Variants in HPF1 observed in about 807,000 individuals in gnomAD.
The protein encoded by HPF1 is histone PARylation factor 1.
HPF1 carries 35 observed loss-of-function variants against 38.8 expected under a neutral mutation model. That is an observed-to-expected ratio of 0.90 (90% CI 0.69 to 1.19). HPF1 has a LOEUF of 1.19. HPF1 is among the 50% of genes most tolerant of loss of function. The pLI, the probability that HPF1 is intolerant of heterozygous loss-of-function variation, is 0.00. For synonymous variants in HPF1, 115 were observed against 139.2 expected, an observed-to-expected ratio of 0.83 and a Z score of 1.22; for missense variants, 367 against 405.8, an observed-to-expected ratio of 0.90 and a Z score of 0.82.
intron 4 of HPF1, among the ~76,000 whole-genome samples, chr4:169,743,396 C>G (rs1419332812): frequency 2.0e-5 from 3 of 146,664 alleles, no homozygotes; most frequent in Non-Finnish European, 3.0e-5. Context: ...AGGCGTGAGC[C>G]ACTGCCCCTG....
chr4:169,737,884 A>G, intron 5 of HPF1, 137 bp from the exon 6 acceptor site: 1 of 648,902 alleles, frequency 1.5e-6, no homozygotes. Flanking sequence ...TTTGGACTCC[A>G]GGGTAAAAAT....
intron 3 of HPF1, among the ~76,000 whole-genome samples, chr4:169,749,151 A>G (rs1028692649): frequency 2.6e-5 from 4 of 152,200 alleles, no homozygotes; most frequent in Non-Finnish European, 5.9e-5. Context: ...AAATTTTGTC[A>G]ACACACATAA....
chr4:169,742,448 A>T (rs1733981309), intron 4 of HPF1, among the ~76,000 whole-genome samples: 1 of 152,200 alleles, frequency 6.6e-6, no homozygotes, highest in South Asian at 2.1e-4. Flanking sequence ...ACTTTGGAGA[A>T]GTCTGACCTA....
At chr4:169,739,055 A>G (rs932238823) in intron 5 of HPF1, among the ~76,000 whole-genome samples, 131 of 152,300 alleles carry the variant, frequency 8.6e-4, no homozygotes, top group African/African-American at 3.0e-3. Flanking sequence ...GAGTTAATGG[A>G]TGCAGCACAC....
Position 169,742,106 on chromosome 4 carries a change from A to G in HPF1, c.499T>C (p.Leu167=), listed in dbSNP as rs200292765. ...NGDNVFAAVK[L]FLTKKLREIT... is the part of the protein sequence containing the mutation. ...TCTCTAAGTTTTTTCGTCAAAAATA[A>G]TCTGAAAAAGAAGTAAAAGTCCGCA... Residue 167 remains leucine, a splice_region_variant and synonymous_variant, in exon 5 of 8, where the codon TTA becomes CTA. Transcript: ENST00000393381. The G allele has an allele frequency of 2.5e-6, 4 of 1,610,040 alleles. No individual in the cohort carries two copies. The Admixed American group carries it at 6.7e-5, about 27-fold the overall frequency.
intron 2 of HPF1, among the ~76,000 whole-genome samples, 193 bp downstream of exon 2, chr4:169,753,483 G>A (rs1210238504): frequency 1.3e-5 from 2 of 152,130 alleles, no homozygotes; most frequent in Non-Finnish European, 2.9e-5. Flanking sequence ...ATGCAACCAC[G>A]TCTAGTTTTT....
intron 1 of HPF1, among the ~76,000 whole-genome samples, chr4:169,754,160 T>G (rs1734153811): frequency 6.6e-6 from 1 of 152,198 alleles, no homozygotes; most frequent in Non-Finnish European, 1.5e-5. Context: ...TTGCCCTCTT[T>G]TGGTTAAAGG....
At chr4:169,741,275 T>C (rs973319638) in intron 5 of HPF1, among the ~76,000 whole-genome samples, 2 of 152,204 alleles carry the variant, frequency 1.3e-5, no homozygotes, top group Non-Finnish European at 2.9e-5. Context: ...TGAACCAGCA[T>C]GGGCAGACAA....
At chr4:169,753,931 A>G in intron 1 of HPF1, 96 bp from the exon 2 acceptor site, 1 of 945,714 alleles carries the variant, frequency 1.1e-6, no homozygotes, top group African/African-American at 1.7e-5. Context: ...TCTATGAAAT[A>G]CATGTGTTTT....
rs113973359 is a variant in HPF1 at position 169,731,818 on chromosome 4, T to C, written c.795A>G (p.Leu265=). The C allele has an allele frequency of 1.4e-5, 22 of 1,612,146 alleles. No individual in the cohort carries two copies. The highest frequency in any genetic ancestry group is 1.3e-4 in the African/African-American group (10 of 74,876). Residue 265 remains leucine (L), a synonymous_variant, in exon 7 of 8, where the codon CTA becomes CTG. Transcript: ENST00000393381. ...TTTCCTGAATGGGAGCAAAAGCTTT[T>C]AGTCTCTCCTCATCACTTGCAGCCT... is the stretch of plus-strand genomic sequence containing the variant. ...IVEAASDEER[L]KAFAPIQEMM...
chr4:169,737,793 C>G, intron 5 of HPF1, 46 bp from the exon 6 acceptor site: 1 of 963,250 alleles, frequency 1.0e-6, no homozygotes, highest in Non-Finnish European at 1.5e-6. Flanking sequence ...AAGCAGACAT[C>G]AAAAAAAAAA....
chr4:169,740,481 C>T (rs1163469861), intron 5 of HPF1, among the ~76,000 whole-genome samples: 11 of 152,242 alleles, frequency 7.2e-5, no homozygotes, highest in South Asian at 2.1e-4. Flanking sequence ...AATATGCTTA[C>T]GCTCACACAC....
At chr4:169,739,697 C>T (rs1429205194) in intron 5 of HPF1, among the ~76,000 whole-genome samples, 3 of 152,128 alleles carry the variant, frequency 2.0e-5, no homozygotes, top group African/African-American at 7.2e-5. Flanking sequence ...AAAAGGATAT[C>T]TATGGCAGGA....
At chr4:169,734,651 A>G (rs2150289062) in intron 6 of HPF1, among the ~76,000 whole-genome samples, 2 of 152,332 alleles carry the variant, frequency 1.3e-5, no homozygotes, top group South Asian at 4.1e-4. Flanking sequence ...AAAAATGATG[A>G]CTTAAATGTT....
In HPF1 at chr4:169,729,836, G is replaced by A. The variant is rs1189385733; in HGVS notation, c.910-127C>T. On this transcript the variant is annotated intron_variant, in intron 7 of 7. Transcript: ENST00000393381. The stretch of plus-strand genomic sequence containing the variant: ...CAAAATCATTTTAGCTACACCCTCA[G>A]GTGGTTAGTGAACATAATTTAAGGA... 3 of 626,296 alleles carry A rather than the reference G, an allele frequency of 4.8e-6. No homozygotes were observed. In the African/African-American group the frequency reaches 5.7e-5, roughly 12 times the overall value. The allele number at this position is 626,296 out of a possible 1,614,324, so 38.8% of individuals were successfully genotyped here. A position where few individuals can be genotyped will look rare whatever the true frequency, so the allele number is the denominator to read the frequency against.
intron 4 of HPF1, 73 bp from the exon 5 acceptor site, chr4:169,742,180 C>A: frequency 1.5e-6 from 2 of 1,296,378 alleles, no homozygotes; most frequent in Non-Finnish European, 2.1e-6. Context: ...CAAAGTTGAG[C>A]CAAGGTAAAA....
intron 4 of HPF1, among the ~76,000 whole-genome samples, chr4:169,742,607 A>G (rs1204092963): frequency 1.4e-4 from 21 of 152,300 alleles, no homozygotes; most frequent in Admixed American, 1.2e-3. Context: ...CCTGGCTAAC[A>G]AGGTGAAACC....
intron 3 of HPF1, 36 bp from the exon 4 acceptor site, chr4:169,748,878 C>T: frequency 1.1e-6 from 1 of 928,894 alleles, no homozygotes; most frequent in Non-Finnish European, 1.7e-6. Context: ...TTTAGCTGCC[C>T]ATAATTTATA....
intron 5 of HPF1, among the ~76,000 whole-genome samples, chr4:169,739,747 C>T (rs1474383533): frequency 6.6e-6 from 1 of 152,138 alleles, no homozygotes; most frequent in Non-Finnish European, 1.5e-5. Flanking sequence ...AAACTTTGAC[C>T]ATAAGCACAG....
Sources: allele counts gnomAD v4.1 joint callset (sites outside exome capture counted in the v4.1 genomes callset), GRCh38; gene constraint gnomAD v4.1.1; transcripts MANE v1.5; gene names NCBI Gene and HGNC (gene_info 2026-07-23, HGNC 2026-07-21).